BTRC: variants seen among roughly 807,000 people sequenced by gnomAD.
BTRC encodes F-box/WD repeat-containing protein 1A.
A neutral mutation model predicts 85.5 loss-of-function variants in BTRC; 42 were observed. That is an observed-to-expected ratio of 0.49 (90% CI 0.38 to 0.64). BTRC has a LOEUF of 0.64. BTRC is among the 30% of genes least tolerant of loss of function. BTRC has a pLI of 0.00. For synonymous variants in BTRC, 255 were observed against 263.3 expected, an observed-to-expected ratio of 0.97 and a Z score of 0.30; for missense variants, 594 against 743.5, an observed-to-expected ratio of 0.80 and a Z score of 2.34.
At chr10:101,442,057 T>C (rs1944695437) in intron 2 of BTRC, among the ~76,000 whole-genome samples, 1 of 152,160 alleles carries the variant, frequency 6.6e-6, no homozygotes, top group African/African-American at 2.4e-5. Flanking sequence ...CATCTTTTCT[T>C]TGAAGCCAGA....
intron 1 of BTRC, among the ~76,000 whole-genome samples, chr10:101,369,923 C>CGT (rs887739805): frequency 5.3e-5 from 8 of 152,168 alleles, no homozygotes; most frequent in Admixed American, 1.3e-4. Flanking sequence ...GTTCCCCACA[C>CGT]CCACTATATA....
At chr10:101,420,168 A>G (rs2134050980) in intron 1 of BTRC, among the ~76,000 whole-genome samples, 1 of 152,052 alleles carries the variant, frequency 6.6e-6, no homozygotes, top group Admixed American at 6.5e-5. Flanking sequence ...TCAGCAATGT[A>G]ATATTCATTC....
intron 13 of BTRC, among the ~76,000 whole-genome samples, chr10:101,544,590 G>T (rs2062527773): frequency 6.6e-6 from 1 of 151,792 alleles, no homozygotes; most frequent in Non-Finnish European, 1.5e-5. Context: ...TATTTTTTTA[G>T]AGATAGGGTC....
intron 2 of BTRC, among the ~76,000 whole-genome samples, chr10:101,446,102 C>A (rs947631301): frequency 9.0e-6 from 1 of 111,580 alleles, no homozygotes; most frequent in African/African-American, 3.2e-5. Flanking sequence ...TTGTTCTCTT[C>A]CCCCCCCACC....
chr10:101,550,238 TGCC>T (rs2062628446), intron 13 of BTRC, among the ~76,000 whole-genome samples: 1 of 152,200 alleles, frequency 6.6e-6, no homozygotes, highest in South Asian at 2.1e-4. Flanking sequence ...TTTTCCATGC[TGCC>T]TTTAGCCAAA....
At chr10:101,438,802 G>C (rs969794093) in intron 2 of BTRC, among the ~76,000 whole-genome samples, 6 of 152,202 alleles carry the variant, frequency 3.9e-5, no homozygotes, top group East Asian at 3.9e-4. Flanking sequence ...GCAATCTTTT[G>C]GGGAGAATTG....
intron 1 of BTRC, among the ~76,000 whole-genome samples, chr10:101,365,273 A>G (rs1225215647): frequency 2.0e-5 from 3 of 150,668 alleles, no homozygotes; most frequent in East Asian, 3.9e-4. Flanking sequence ...GGGTTTCTCC[A>G]TGTTGGCCAG....
At chr10:101,506,402 C>G (rs934594996) in intron 4 of BTRC, among the ~76,000 whole-genome samples, 4 of 152,076 alleles carry the variant, frequency 2.6e-5, no homozygotes, top group Non-Finnish European at 4.4e-5. Flanking sequence ...CAAAATTTAG[C>G]TCATGTTTTT....
Position 101,479,356 on chromosome 10 carries a change from T to G in BTRC, c.235-12T>G, listed in dbSNP as rs1945777539. On this transcript the variant is annotated splice_polypyrimidine_tract_variant and intron_variant, in intron 3 of 14. Coordinates refer to ENST00000370187, the MANE Select transcript of BTRC (RefSeq NM_033637.4). ...ATTTTAAAAACCTGTTTCCAACAAA[T>G]TCTCTTTACAGACATACAACAGCTG... The G allele has an allele frequency of 1.2e-6, 2 of 1,603,870 alleles. No individual in the cohort carries two copies. Among genetic ancestry groups the G allele is most frequent in the Non-Finnish European group, 1.7e-6 (2 of 1,172,322 alleles).
intron 4 of BTRC, among the ~76,000 whole-genome samples, chr10:101,505,129 G>GTATATATATATGTATATATATGTT (rs1405535239): frequency 1.3e-5 from 1 of 76,078 alleles, no homozygotes; most frequent in African/African-American, 7.2e-5. Flanking sequence ...ATATATATGT[G>GTATATATATATGTATATATATGTT]TATATATATG....
At chr10:101,362,728 A>T (rs2134483348) in intron 1 of BTRC, among the ~76,000 whole-genome samples, 1 of 152,326 alleles carries the variant, frequency 6.6e-6, no homozygotes, top group South Asian at 2.1e-4. Context: ...TAATACAGTC[A>T]GCCACGAATA....
chr10:101,410,164 AG>A (rs1365017861), intron 1 of BTRC, among the ~76,000 whole-genome samples: 1 of 152,156 alleles, frequency 6.6e-6, no homozygotes, highest in East Asian at 1.9e-4. Flanking sequence ...AGCTTCTTCT[AG>A]TACATCTGGA....
intron 6 of BTRC, 75 bp from the exon 7 acceptor site, chr10:101,531,162 C>A: frequency 8.0e-7 from 1 of 1,251,876 alleles, no homozygotes; most frequent in African/African-American, 1.5e-5. Context: ...CAGAGCGAGA[C>A]TCTGTCTCAA....
At chr10:101,354,996 G>A (rs1294836417) in intron 1 of BTRC, among the ~76,000 whole-genome samples, 3 of 152,156 alleles carry the variant, frequency 2.0e-5, no homozygotes, top group South Asian at 2.1e-4. Context: ...GAAAGGAGAA[G>A]CTAAATACTG....
At chr10:101,517,104 C>T (rs188668735) in intron 4 of BTRC, among the ~76,000 whole-genome samples, 2 of 152,210 alleles carry the variant, frequency 1.3e-5, no homozygotes, top group Admixed American at 6.5e-5. Flanking sequence ...AAAAGCAGCC[C>T]TAAACTCCCC....
chr10:101,539,483 G>C lies in BTRC; in HGVS notation c.1656+1112G>C, dbSNP rs569372877. ...GACAGGGTCTTCCTCTGTCACCCAG[G>C]CTATAGTGAAGTGGCACTACATGTT... is the stretch of plus-strand genomic sequence containing the variant. On this transcript the variant is annotated intron_variant, in intron 13 of 14. Coordinates refer to ENST00000370187, the MANE Select transcript of BTRC (RefSeq NM_033637.4). Among the ~76,000 whole-genome samples the C allele has an allele frequency of 3.3e-5, 5 of 152,240 alleles. No homozygotes were observed. In the South Asian group the frequency reaches 1.0e-3, roughly 32 times the overall value.
chr10:101,400,162 T>TTG (rs1182623953), intron 1 of BTRC, among the ~76,000 whole-genome samples: 1 of 152,236 alleles, frequency 6.6e-6, no homozygotes, highest in African/African-American at 2.4e-5. Context: ...TTATTTCATA[T>TTG]ATTGTAGCTG....
At chr10:101,435,470 C>A (rs1944504163) in intron 2 of BTRC, among the ~76,000 whole-genome samples, 1 of 152,066 alleles carries the variant, frequency 6.6e-6, no homozygotes, top group African/African-American at 2.4e-5. Flanking sequence ...TTCTTTGTGT[C>A]TGTTTTCTTT....
At chr10:101,533,287 C>T (rs2062328836) in intron 9 of BTRC, among the ~76,000 whole-genome samples, 1 of 152,194 alleles carries the variant, frequency 6.6e-6, no homozygotes, top group African/African-American at 2.4e-5. Flanking sequence ...ACTACACATT[C>T]TATTTTAATT....
Sources: allele counts gnomAD v4.1 joint callset (sites outside exome capture counted in the v4.1 genomes callset), GRCh38; gene constraint gnomAD v4.1.1; transcripts MANE v1.5; gene names NCBI Gene and HGNC (gene_info 2026-07-23, HGNC 2026-07-21).